The following AP2B1 variants were observed in gnomAD, a reference collection of about 807,000 sequenced individuals.
AP2B1 encodes AP-2 complex subunit beta.
In AP2B1, 23 loss-of-function variants were observed where a neutral mutation model predicts 102.0. The observed-to-expected ratio is 0.23, with a 90% CI of 0.16 to 0.32. The LOEUF (loss-of-function observed/expected upper bound fraction) is 0.32. Among genes scored for constraint, AP2B1 ranks in the 10% least tolerant of loss-of-function variants. The pLI, the probability that AP2B1 is intolerant of heterozygous loss-of-function variation, is 1.00. For synonymous variants in AP2B1, 381 were observed against 421.2 expected (o/e 0.90, Z 1.17); for missense variants, 541 against 1,157.4 (o/e 0.47, Z 7.73).
chr17:35,681,866 C>T (rs1232737456), intron 17 of AP2B1, among the ~76,000 whole-genome samples: 1 of 152,188 alleles, frequency 6.6e-6, no homozygotes. Context: ...AATATTTTCT[C>T]CTTCCTCAAA....
chr17:35,718,330 G>A (rs1187486555), intron 21 of AP2B1, among the ~76,000 whole-genome samples: 2 of 111,906 alleles, frequency 1.8e-5, no homozygotes, highest in Non-Finnish European at 4.3e-5. Context: ...GTGTGTGTGT[G>A]TGTGTGTGTG....
At chr17:35,592,046 A>G (rs964171323) in intron 1 of AP2B1, among the ~76,000 whole-genome samples, 1 of 152,372 alleles carries the variant, frequency 6.6e-6, no homozygotes, top group Admixed American at 6.5e-5. Flanking sequence ...TCTAATTTCC[A>G]TTAAACTGTA....
chr17:35,593,749 A>G (rs1205069275), intron 1 of AP2B1, among the ~76,000 whole-genome samples: 1 of 152,214 alleles, frequency 6.6e-6, no homozygotes. Context: ...GTTACTGTGG[A>G]TAAAATCACA....
At chr17:35,599,603 A>G (rs1270120977) in intron 3 of AP2B1, among the ~76,000 whole-genome samples, 21 of 152,170 alleles carry the variant, frequency 1.4e-4, no homozygotes, top group Admixed American at 1.4e-3. Flanking sequence ...TAAAAGATCT[A>G]TTCGAAATAA....
At chr17:35,703,221 C>T (rs964880047) in intron 18 of AP2B1, among the ~76,000 whole-genome samples, 20 of 145,768 alleles carry the variant, frequency 1.4e-4, no homozygotes, top group Admixed American at 1.1e-3. Flanking sequence ...GCCGAGATTG[C>T]GCCACTGCAC....
At chr17:35,720,246 A>G (rs1197767578) in intron 21 of AP2B1, among the ~76,000 whole-genome samples, 1 of 152,042 alleles carries the variant, frequency 6.6e-6, no homozygotes, top group Non-Finnish European at 1.5e-5. Flanking sequence ...GTCCAGGTGA[A>G]CAAAGCCCCA....
chr17:35,701,704 A>G (rs1363662911), intron 18 of AP2B1, among the ~76,000 whole-genome samples: 4 of 152,114 alleles, frequency 2.6e-5, no homozygotes. Context: ...CTGGACCCCT[A>G]TCCTCCTATC....
At chr17:35,651,663 C>T (rs967674535) in intron 13 of AP2B1, among the ~76,000 whole-genome samples, 4 of 151,388 alleles carry the variant, frequency 2.6e-5, no homozygotes, top group African/African-American at 7.3e-5. Flanking sequence ...TACAAATTGG[C>T]GTGGTCAGCA....
intron 17 of AP2B1, among the ~76,000 whole-genome samples, chr17:35,674,947 A>G (rs1431826546): frequency 6.6e-6 from 1 of 152,262 alleles, no homozygotes; most frequent in Non-Finnish European, 1.5e-5. Context: ...GTTTAACATT[A>G]GCATGAGCCA....
chr17:35,679,713 A>T (rs2142990277), intron 17 of AP2B1, among the ~76,000 whole-genome samples: 1 of 152,298 alleles, frequency 6.6e-6, no homozygotes, highest in Non-Finnish European at 1.5e-5. Flanking sequence ...ATGTTTCCCA[A>T]TATTGACTTA....
rs187680525 is a variant in AP2B1, at chr17:35,705,682, C to T, written c.2455-3542C>T. 3.3e-5 allele frequency among the ~76,000 whole-genome samples: 5 copies of T among 152,194 alleles called. No individual in the cohort carries two copies. In the East Asian group the frequency reaches 9.6e-4, roughly 29 times the overall value. On this transcript the variant is annotated intron_variant, in intron 18 of 21. Transcript: ENST00000610402. ...GACTACAGGTGCATGCCACCACGCCCAGCTAATTTTTGCATTTTTAGTAGA... is the reference window on the plus strand; with the variant it reads ...GACTACAGGTGCATGCCACCACGCCTAGCTAATTTTTGCATTTTTAGTAGA...
chr17:35,642,023 T>A, intron 12 of AP2B1, 48 bp downstream of exon 12: 1 of 1,434,388 alleles, frequency 7.0e-7, no homozygotes. Flanking sequence ...TGTTTCAAAT[T>A]GTAGGAAATT....
chr17:35,666,686 C>T (rs1442062785), intron 14 of AP2B1, among the ~76,000 whole-genome samples: 1 of 152,148 alleles, frequency 6.6e-6, no homozygotes, highest in African/African-American at 2.4e-5. Context: ...GGATCAAAGC[C>T]ATACCCTGCA....
intron 3 of AP2B1, among the ~76,000 whole-genome samples, chr17:35,601,757 T>C (rs1173347418): frequency 6.6e-6 from 1 of 152,072 alleles, no homozygotes; most frequent in South Asian, 2.1e-4. Context: ...TACAAACGAA[T>C]TGGTAAAAAT....
intron 18 of AP2B1, among the ~76,000 whole-genome samples, chr17:35,691,825 C>T (rs1412598363): frequency 1.3e-5 from 2 of 152,202 alleles, no homozygotes; most frequent in African/African-American, 4.8e-5. Flanking sequence ...TAGAAAATTA[C>T]TTACTGTGAT....
intron 14 of AP2B1, among the ~76,000 whole-genome samples, chr17:35,658,282 CT>C (rs33981679): frequency 1.6e-4 from 23 of 141,044 alleles, no homozygotes; most frequent in Admixed American, 2.1e-4. Context: ...TCTTCTTCTT[CT>C]TTTTTTTTTT....
chr17:35,610,839 G>A (rs1191405710), intron 5 of AP2B1, among the ~76,000 whole-genome samples: 1 of 151,686 alleles, frequency 6.6e-6, no homozygotes, highest in East Asian at 1.9e-4. Context: ...CCCAGGAGGC[G>A]GAGCTTGCAG....
At chr17:35,701,859 C>G (rs759009933) in intron 18 of AP2B1, among the ~76,000 whole-genome samples, 9 of 152,218 alleles carry the variant, frequency 5.9e-5, no homozygotes, top group Non-Finnish European at 7.3e-5. Context: ...CTTAAGTGAT[C>G]CTCCTTCCGC....
chr17:35,589,265 C>T (rs905319174), intron 1 of AP2B1, among the ~76,000 whole-genome samples: 2 of 152,074 alleles, frequency 1.3e-5, no homozygotes, highest in African/African-American at 4.8e-5. Context: ...CACCTCTCAC[C>T]TTTATAATAA....
Sources: gnomAD v4.1 joint callset for allele counts (sites outside exome capture counted in the v4.1 genomes callset) on GRCh38, gnomAD v4.1.1 for gene constraint, MANE v1.5 for transcripts, NCBI Gene and HGNC (gene_info 2026-07-23, HGNC 2026-07-21) for gene names.